RTN4RL1: variants seen among roughly 807,000 people sequenced by gnomAD.
RTN4RL1 encodes the protein reticulon 4 receptor like 1, also known as reticulon-4 receptor-like 1.
Under a neutral mutation model 25.6 loss-of-function variants are expected in RTN4RL1, and 7 were observed. The ratio of observed to expected loss-of-function variants is 0.27; its 90% CI spans 0.16 to 0.51. The LOEUF is 0.51. Ranked by LOEUF, RTN4RL1 falls within the 20% of genes least tolerant of loss-of-function variation. RTN4RL1 has a pLI of 0.97. For synonymous variants in RTN4RL1, 297 were observed against 288.2 expected (o/e 1.03, Z -0.31); for missense variants, 500 against 615.6 (o/e 0.81, Z 1.99).
At chr17:2,018,693 T>C (rs1277005849) in intron 1 of RTN4RL1, among the ~76,000 whole-genome samples, 3 of 151,862 alleles carry the variant, frequency 2.0e-5, no homozygotes, top group Admixed American at 2.0e-4. Context: ...GTGCGCCGGC[T>C]GGGTGGCCCA....
chr17:1,975,419 G>A (rs1372190092), intron 1 of RTN4RL1, among the ~76,000 whole-genome samples: 3 of 152,148 alleles, frequency 2.0e-5, no homozygotes, highest in Admixed American at 6.5e-5. Flanking sequence ...GAGAGACCGA[G>A]GTGGGTGGAT....
In RTN4RL1 at chr17:1,940,655, C is replaced by T. The variant is rs1184575809; in HGVS notation, c.14-2847G>A. Among the ~76,000 whole-genome samples the T allele has an allele frequency of 2.6e-5, 4 of 152,146 alleles. No individual in the cohort carries two copies. The East Asian group carries it at 7.7e-4, about 29-fold the overall frequency. On this transcript the variant is annotated intron_variant, in intron 1 of 1. Transcript: ENST00000331238. ...CTGCCTGAACCCTCCACACCCAGGG[C>T]TGGGAGGGGGCCCCAACCCACACCA...
chr17:1,991,598 A>T lies in RTN4RL1; in HGVS notation c.13+33255T>A, dbSNP rs538203355. ...AACAGTTTCTTTTGTGTATTTCCAGAAAATTTCTATCACATACAAGCATGT... is the reference window on the plus strand; with the variant it reads ...AACAGTTTCTTTTGTGTATTTCCAGTAAATTTCTATCACATACAAGCATGT... On this transcript the variant is annotated intron_variant, in intron 1 of 1. Coordinates refer to ENST00000331238, the MANE Select transcript of RTN4RL1 (RefSeq NM_178568.4). Among the ~76,000 whole-genome samples, 4 of 152,296 alleles carry T rather than the reference A, an allele frequency of 2.6e-5. No individual in the cohort carries two copies. In the East Asian group the frequency reaches 7.7e-4, roughly 29 times the overall value.
chr17:2,016,574 A>C (rs1425425485), intron 1 of RTN4RL1, among the ~76,000 whole-genome samples: 3 of 152,326 alleles, frequency 2.0e-5, no homozygotes, highest in East Asian at 3.9e-4. Context: ...CCTGGAAAGG[A>C]AAGGGCCGTG....
chr17:2,011,079 C>G (rs1342866058), intron 1 of RTN4RL1, among the ~76,000 whole-genome samples: 1 of 147,046 alleles, frequency 6.8e-6, no homozygotes, highest in Non-Finnish European at 1.5e-5. Flanking sequence ...TGGAGAAACC[C>G]CGTCTCTACT....
intron 1 of RTN4RL1, among the ~76,000 whole-genome samples, chr17:1,971,788 C>T (rs2066820618): frequency 6.6e-6 from 1 of 151,916 alleles, no homozygotes; most frequent in Non-Finnish European, 1.5e-5. Context: ...TGGTGAAACC[C>T]CGTCTCTACT....
At chr17:1,947,898 G>A (rs1000851812) in intron 1 of RTN4RL1, among the ~76,000 whole-genome samples, 1 of 152,228 alleles carries the variant, frequency 6.6e-6, no homozygotes, top group Non-Finnish European at 1.5e-5. Context: ...GGAACTGCGG[G>A]TCAGAGCGGC....
Position 1,937,252 on chromosome 17 carries a change from C to T in RTN4RL1, c.570G>A (p.Pro190=), listed in dbSNP as rs1435876728. The T allele has an allele frequency of 6.2e-6, 10 of 1,612,224 alleles. No homozygotes were observed. The highest frequency in any genetic ancestry group is 4.5e-5 in the East Asian group (2 of 44,862). ...GGTTCACCAGGCCCCGGAAGGTGCC[C>T]GGGCCCAGACTCCACAGCTTGTTGC... ...LHGNKLWSLG[P]GTFRGLVNLD... The change falls in exon 2 of 2, where the codon CCG becomes CCA. Residue 190 remains proline, a synonymous_variant. Coordinates refer to ENST00000331238, the MANE Select transcript of RTN4RL1 (RefSeq NM_178568.4).
rs991379717 is a variant in RTN4RL1 at position 1,940,245 on chromosome 17, G to GT, written c.14-2438dup. 5.3e-4 allele frequency among the ~76,000 whole-genome samples: 81 copies of GT among 152,044 alleles called. 1 individual carries two copies. The highest frequency in any genetic ancestry group is 1.5e-3 in the African/African-American group (64 of 41,466). On this transcript the variant is annotated intron_variant, in intron 1 of 1. Coordinates refer to ENST00000331238, the MANE Select transcript of RTN4RL1 (RefSeq NM_178568.4). Reference sequence around the variant, plus strand: ...ACATAAAAATCATCGTACATAATTTGTTTTTTTTGCATAATTGGGCTCGGT... The same window carrying GT: ...ACATAAAAATCATCGTACATAATTTGTTTTTTTTTGCATAATTGGGCTCGGT...
rs571172551 is a variant in RTN4RL1 at position 1,985,331 on chromosome 17, C to T, written c.13+39522G>A. Among the ~76,000 whole-genome samples, 5 of 152,340 alleles carry T rather than the reference C, an allele frequency of 3.3e-5. 1 individual carries two copies. In the South Asian group the frequency reaches 1.0e-3, roughly 32 times the overall value. ...CCGGAAATGTGGGCCTTCCCTCTAC[C>T]TTTGGAACCTCTTGGGATCAAGCCA... On this transcript the variant is annotated intron_variant, in intron 1 of 1. Transcript: ENST00000331238.
intron 1 of RTN4RL1, among the ~76,000 whole-genome samples, chr17:2,004,556 C>G (rs1004867966): frequency 6.6e-6 from 1 of 152,134 alleles, no homozygotes; most frequent in Non-Finnish European, 1.5e-5. Context: ...TTGGATGATG[C>G]ACCAGTGTTC....
At chr17:2,021,551 C>CTTTT (rs767770637) in intron 1 of RTN4RL1, among the ~76,000 whole-genome samples, 160 of 106,166 alleles carry the variant, frequency 1.5e-3, no homozygotes, top group East Asian at 3.2e-3. Context: ...CATCCTATAC[C>CTTTT]TTTTTTTTTT....
intron 1 of RTN4RL1, among the ~76,000 whole-genome samples, chr17:1,975,974 G>C (rs1269771535): frequency 6.6e-6 from 1 of 152,242 alleles, no homozygotes; most frequent in Non-Finnish European, 1.5e-5. Context: ...CGCCATCCCT[G>C]CAGAGAGCAG....
In RTN4RL1 at chr17:1,937,062, C is replaced by G. The variant is rs761755972; in HGVS notation, c.760G>C (p.Gly254Arg). ...CGACAACCACAGTCCCAGGGGTTGC[C>G]GTTGAGGCGGAGGAACTCCAGGGCC... ...LGALEFLRLN[G>R]NPWDCGCRAR... The change falls in exon 2 of 2, where the codon GGC (glycine) becomes CGC (arginine). Residue 254 changes from glycine to arginine, a missense_variant. Transcript: ENST00000331238. 4 of 1,605,306 alleles carry G rather than the reference C, an allele frequency of 2.5e-6. No individual in the cohort carries two copies. The highest frequency in any genetic ancestry group is 1.1e-5 in the South Asian group (1 of 90,118).
At chr17:1,997,441 A>G (rs2095031061) in intron 1 of RTN4RL1, among the ~76,000 whole-genome samples, 1 of 152,200 alleles carries the variant, frequency 6.6e-6, no homozygotes, top group Non-Finnish European at 1.5e-5. Context: ...CACGATCTGA[A>G]ATCATCGCAT....
chr17:2,016,426 T>G (rs112838179), intron 1 of RTN4RL1, among the ~76,000 whole-genome samples: 1 of 152,006 alleles, frequency 6.6e-6, no homozygotes, highest in Non-Finnish European at 1.5e-5. Context: ...AGACCATTGA[T>G]CTAGTCATAT....
intron 1 of RTN4RL1, among the ~76,000 whole-genome samples, chr17:1,946,228 G>A (rs535131283): frequency 8.5e-5 from 13 of 152,346 alleles, no homozygotes; most frequent in African/African-American, 3.1e-4. Flanking sequence ...GGACAGGTCA[G>A]TCATCCAGGT....
intron 1 of RTN4RL1, among the ~76,000 whole-genome samples, chr17:1,943,473 T>C (rs1915479869): frequency 6.6e-6 from 1 of 152,168 alleles, no homozygotes; most frequent in African/African-American, 2.4e-5. Context: ...GGCAGGGCCG[T>C]GGGGCTCTCT....
chr17:1,953,288 C>T (rs530502954), intron 1 of RTN4RL1, among the ~76,000 whole-genome samples: 1 of 151,922 alleles, frequency 6.6e-6, no homozygotes, highest in South Asian at 2.1e-4. Flanking sequence ...CACCTGTAGT[C>T]CCAGCTACTC....
Sources: gnomAD v4.1 joint callset for allele counts (sites outside exome capture counted in the v4.1 genomes callset) on GRCh38, gnomAD v4.1.1 for gene constraint, MANE v1.5 for transcripts, NCBI Gene and HGNC (gene_info 2026-07-23, HGNC 2026-07-21) for gene names.